Variants in ALKBH3 observed in about 807,000 individuals in gnomAD.
ALKBH3 encodes the protein alpha-ketoglutarate-dependent dioxygenase alkB homolog 3.
ALKBH3 carries 51 observed loss-of-function variants against 43.9 expected under a neutral mutation model. The observed-to-expected ratio is 1.16, with a 90% CI of 0.93 to 1.47. The LOEUF (loss-of-function observed/expected upper bound fraction) is 1.47, where lower values mean the gene tolerates loss of function less well. Ranked by LOEUF, ALKBH3 falls within the 40% of genes most tolerant of loss-of-function variation. The pLI, the probability that ALKBH3 is intolerant of heterozygous loss-of-function variation, is 0.00. For missense variants in ALKBH3, 361 were observed against 351.9 expected (o/e 1.03, Z -0.21); for synonymous variants, 102 against 115.2 (o/e 0.89, Z 0.73).
chr11:43,902,129 C>A (rs899532866), intron 8 of ALKBH3, among the ~76,000 whole-genome samples: 2 of 152,144 alleles, frequency 1.3e-5, no homozygotes, highest in East Asian at 1.9e-4. Context: ...CTAAGGAGGA[C>A]GTCCCTGAAG....
intron 7 of ALKBH3, chr11:43,898,337 C>T (rs1951834728): frequency 1.7e-5 from 12 of 711,454 alleles, no homozygotes; most frequent in Middle Eastern, 2.6e-4. Flanking sequence ...CAATCTTTGG[C>T]GTGGAGGAAG....
intron 8 of ALKBH3, among the ~76,000 whole-genome samples, chr11:43,911,294 T>C (rs1951936965): frequency 6.6e-6 from 1 of 152,172 alleles, no homozygotes. Context: ...TTGCCAGTAA[T>C]ATGTTAGATG....
rs537881865 is a variant in ALKBH3 at position 43,898,159 on chromosome 11, A to T, written c.460-3357A>T. 9 of 1,229,006 alleles carry T rather than the reference A, an allele frequency of 7.3e-6. No individual in the cohort carries two copies. In the East Asian group the frequency reaches 1.6e-4, roughly 22 times the overall value. 76.1% of individuals were successfully genotyped at this position (1,229,006 alleles called of 1,614,324 possible). ...TGATAACAAACTAGATGCTGACTAC[A>T]TCAAGAGATACCTGGGCGATTTGAC... On this transcript the variant is annotated intron_variant, in intron 7 of 9. Transcript: ENST00000302708.
At position 43,916,226 on chromosome 11, in the gene ALKBH3, A is replaced by G. The variant is rs555074876; in HGVS notation, c.670-2812A>G. 2.6e-5 allele frequency among the ~76,000 whole-genome samples: 4 copies of G among 152,288 alleles called. No individual in the cohort carries two copies. The East Asian group carries it at 7.7e-4, about 29-fold the overall frequency. On this transcript the variant is annotated intron_variant, in intron 8 of 9. Coordinates refer to ENST00000302708, the MANE Select transcript of ALKBH3 (RefSeq NM_139178.4). ...ATGACATAACAGTAAATACATCCAG[A>G]TTTTTTCACCCCAAATAGCATTTTC...
chr11:43,903,166 G>C (rs1420599091), intron 8 of ALKBH3, among the ~76,000 whole-genome samples: 1 of 152,214 alleles, frequency 6.6e-6, no homozygotes, highest in Non-Finnish European at 1.5e-5. Context: ...GGGATTGGTA[G>C]TTGCCGGTGT....
At chr11:43,910,457 A>G (rs946368390) in intron 8 of ALKBH3, 2 of 152,204 alleles carry the variant, frequency 1.3e-5, no homozygotes, top group African/African-American at 4.8e-5. Flanking sequence ...TCCAGTCATC[A>G]CTTTCCACAT....
chr11:43,919,814 G>C, intron 9 of ALKBH3, 104 bp from the exon 10 acceptor site: 1 of 1,073,522 alleles, frequency 9.3e-7, no homozygotes, highest in Non-Finnish European at 1.4e-6. Flanking sequence ...TAAGGGGGAT[G>C]AGATGGAAAT....
intron 8 of ALKBH3, among the ~76,000 whole-genome samples, chr11:43,913,105 T>A (rs1173754735): frequency 2.0e-5 from 3 of 148,466 alleles, no homozygotes; most frequent in African/African-American, 7.6e-5. Context: ...TTTCCAGTTG[T>A]TAAAAAAAAA....
chr11:43,892,708 A>T (rs2135183456), intron 7 of ALKBH3, among the ~76,000 whole-genome samples: 1 of 152,358 alleles, frequency 6.6e-6, no homozygotes, highest in South Asian at 2.1e-4. Flanking sequence ...AAGGTCCAAG[A>T]AATAGCTCCC....
intron 7 of ALKBH3, chr11:43,899,002 A>T: frequency 2.7e-6 from 2 of 753,496 alleles, no homozygotes; most frequent in South Asian, 2.7e-5. Context: ...ACCATCTACC[A>T]CTCTGCAAGC....
intron 5 of ALKBH3, among the ~76,000 whole-genome samples, chr11:43,889,115 A>G (rs12418499): frequency 0.23 from 35,061 of 151,780 alleles, 4,641 homozygotes; most frequent in Admixed American, 0.39. Context: ...TGCAACCTCC[A>G]CCCCCGGGTT....
intron 8 of ALKBH3, among the ~76,000 whole-genome samples, chr11:43,903,888 C>G (rs567009185): frequency 3.3e-5 from 5 of 152,298 alleles, no homozygotes; most frequent in African/African-American, 1.2e-4. Flanking sequence ...TACCCCGTTT[C>G]TTCTCCCCTC....
chr11:43,884,149 C>T, intron 4 of ALKBH3, 132 bp downstream of exon 4: 1 of 1,052,852 alleles, frequency 9.5e-7, no homozygotes, highest in South Asian at 1.5e-5. Flanking sequence ...GGGATATTCC[C>T]ATCTCAAATG....
intron 8 of ALKBH3, among the ~76,000 whole-genome samples, chr11:43,907,199 TAG>T (rs952240021): frequency 4.0e-5 from 6 of 148,826 alleles, no homozygotes; most frequent in African/African-American, 5.0e-5. Context: ...TGAGGGTGAG[TAG>T]AGAGAGAGAG....
At chr11:43,893,440 A>G (rs1314090674) in intron 7 of ALKBH3, among the ~76,000 whole-genome samples, 2 of 152,206 alleles carry the variant, frequency 1.3e-5, no homozygotes, top group African/African-American at 2.4e-5. Context: ...ATTGTCCGAC[A>G]TTTTGGGAAC....
intron 7 of ALKBH3, chr11:43,898,169 A>G (rs1450170320): frequency 1.3e-5 from 16 of 1,233,904 alleles, no homozygotes; most frequent in Non-Finnish European, 1.9e-5. Flanking sequence ...ATCAAGAGAT[A>G]CCTGGGCGAT....
At chr11:43,898,456 A>ACG in intron 7 of ALKBH3, 1 of 880,606 alleles carries the variant, frequency 1.1e-6, no homozygotes, top group Non-Finnish European at 1.9e-6. Context: ...GCCCCTCTGT[A>ACG]TGCTCAGGCT....
intron 7 of ALKBH3, among the ~76,000 whole-genome samples, chr11:43,894,370 T>C (rs1244931802): frequency 6.6e-6 from 1 of 152,226 alleles, no homozygotes. Context: ...TTTCCTAAAA[T>C]GTCTTTTAAG....
intron 8 of ALKBH3, among the ~76,000 whole-genome samples, chr11:43,915,776 TG>T (rs1235843024): frequency 6.6e-6 from 1 of 152,242 alleles, no homozygotes; most frequent in Non-Finnish European, 1.5e-5. Context: ...ATTGTATATC[TG>T]GAAGACTCTG....
Sources: gnomAD v4.1 joint callset for allele counts (sites outside exome capture counted in the v4.1 genomes callset) on GRCh38, gnomAD v4.1.1 for gene constraint, MANE v1.5 for transcripts, NCBI Gene and HGNC (gene_info 2026-07-23, HGNC 2026-07-21) for gene names.